The following ARL6 variants were observed in gnomAD, a reference collection of about 807,000 sequenced individuals.
ARL6 encodes ADP-ribosylation factor-like protein 6.
A neutral mutation model predicts 27.1 loss-of-function variants in ARL6; 18 were observed. The ratio of observed to expected loss-of-function variants is 0.66; its 90% CI spans 0.46 to 0.98. The LOEUF is 0.98. Ranked by LOEUF, ARL6 falls within the 50% of genes least tolerant of loss-of-function variation. The probability of loss-of-function intolerance (pLI) is 0.00; values close to 1 mark genes in which losing one functional copy is unlikely to be tolerated. For missense variants in ARL6, 187 were observed against 214.9 expected (o/e 0.87, Z 0.81); for synonymous variants, 65 against 72.3 (o/e 0.90, Z 0.51).
At chr3:97,796,390 G>A (rs2038004549) in intron 7 of ARL6, among the ~76,000 whole-genome samples, 1 of 151,994 alleles carries the variant, frequency 6.6e-6, no homozygotes, top group South Asian at 2.1e-4. Context: ...GAAAAATTTA[G>A]TTTTAAAAAG....
chr3:97,776,639 T>G (rs1280375031), intron 2 of ARL6, among the ~76,000 whole-genome samples: 4 of 151,990 alleles, frequency 2.6e-5, no homozygotes, highest in African/African-American at 9.6e-5. Context: ...GATGTTACCC[T>G]TATTCTTTTT....
intron 2 of ARL6, among the ~76,000 whole-genome samples, chr3:97,771,944 G>C (rs369975481): frequency 4.9e-4 from 75 of 152,112 alleles, no homozygotes; most frequent in African/African-American, 1.7e-3. Context: ...CTAGCATTTT[G>C]TTGAAGATTT....
chr3:97,782,701 G>T (rs2037256031), intron 4 of ARL6, among the ~76,000 whole-genome samples: 1 of 151,004 alleles, frequency 6.6e-6, no homozygotes, highest in South Asian at 2.1e-4. Flanking sequence ...CTATGACCAG[G>T]GCTTATGGGC....
chr3:97,768,459 TC>T (rs1404326998), intron 2 of ARL6, among the ~76,000 whole-genome samples: 2 of 152,106 alleles, frequency 1.3e-5, no homozygotes, highest in Non-Finnish European at 2.9e-5. Flanking sequence ...CAAAAGTTCT[TC>T]ACAGATTTAC....
chr3:97,770,646 C>T (rs2036592688), intron 2 of ARL6, among the ~76,000 whole-genome samples: 1 of 151,862 alleles, frequency 6.6e-6, no homozygotes, highest in Non-Finnish European at 1.5e-5. Flanking sequence ...TCTCCTAGTA[C>T]TTTGATAGTT....
intron 5 of ARL6, among the ~76,000 whole-genome samples, chr3:97,785,443 T>G (rs1410812856): frequency 2.6e-5 from 3 of 115,520 alleles, no homozygotes; most frequent in Admixed American, 9.6e-5. Flanking sequence ...TATGTGTATC[T>G]GAGTTTGTGT....
chr3:97,768,559 TC>T, intron 2 of ARL6, among the ~76,000 whole-genome samples: 1 of 152,232 alleles, frequency 6.6e-6, no homozygotes, highest in South Asian at 2.1e-4. Flanking sequence ...TTTTATAGGT[TC>T]TATGGATAAT....
rs556854109 is a variant in ARL6 at position 97,783,379 on chromosome 3, A to T, written c.255-1576A>T. Among the ~76,000 whole-genome samples the T allele has an allele frequency of 3.3e-5, 5 of 151,950 alleles. No individual in the cohort carries two copies. The South Asian group carries it at 1.0e-3, about 31-fold the overall frequency. ...ATCAGGAAAAACATGCAATGAATAT[A>T]ACTAACAGCTGCCTAATATTTTTTC... On this transcript the variant is annotated intron_variant, in intron 4 of 7. Transcript: ENST00000463745.
chr3:97,791,706 A>G, intron 6 of ARL6, 65 bp from the exon 7 acceptor site: 1 of 1,474,562 alleles, frequency 6.8e-7, no homozygotes, highest in Non-Finnish European at 9.5e-7. Flanking sequence ...CAAAATTGTA[A>G]TCCTTTATTC....
intron 2 of ARL6, among the ~76,000 whole-genome samples, chr3:97,770,767 C>T (rs1347800619): frequency 1.3e-5 from 2 of 151,930 alleles, no homozygotes; most frequent in African/African-American, 4.8e-5. Context: ...GTTCCAGCAT[C>T]ATAAGACTAT....
intron 7 of ARL6, among the ~76,000 whole-genome samples, chr3:97,796,508 T>C (rs906987619): frequency 3.3e-5 from 5 of 151,876 alleles, no homozygotes; most frequent in African/African-American, 1.2e-4. Context: ...ATCCAAATAA[T>C]AGGAAATTCA....
rs953394619 is a variant in ARL6, at chr3:97,780,338, T to C, written c.185+118T>C. 3.5e-6 allele frequency: 3 copies of C among 850,588 alleles called. No homozygotes were observed. The African/African-American group carries it at 5.1e-5, about 14-fold the overall frequency. 52.7% of individuals were successfully genotyped at this position (850,588 alleles called of 1,614,324 possible). The stretch of plus-strand genomic sequence containing the variant: ...ATTTGTTGTTTCAGAATCTCATAGG[T>C]ATTAAAGTGTTTCTAACCACTATGG... On this transcript the variant is annotated intron_variant, in intron 3 of 7. Transcript: ENST00000463745.
intron 4 of ARL6, among the ~76,000 whole-genome samples, chr3:97,783,152 A>G (rs1007978071): frequency 2.0e-5 from 3 of 151,606 alleles, no homozygotes; most frequent in Admixed American, 6.6e-5. Context: ...TTTGGAAAAT[A>G]TAGAAGAGAA....
Position 97,799,175 on chromosome 3 carries a change from A to G in ARL6, c.*1126A>G, listed in dbSNP as rs1249923112. The G allele has an allele frequency of 6.6e-6, 1 of 152,078 alleles. No individual in the cohort carries two copies. The highest frequency in any genetic ancestry group is 1.5e-5 in the Non-Finnish European group (1 of 67,918). 9.4% of individuals were successfully genotyped at this position (152,078 alleles called of 1,614,324 possible). On this transcript the variant is annotated 3_prime_UTR_variant, in exon 8 of 8. Transcript: ENST00000463745. ...AAAGAAAAACTGTAATATACAATATATACCATCTCAAGTATGCTTAGCTTT... is the reference window on the plus strand; with the variant it reads ...AAAGAAAAACTGTAATATACAATATGTACCATCTCAAGTATGCTTAGCTTT...
intron 7 of ARL6, among the ~76,000 whole-genome samples, chr3:97,794,177 T>TG (rs2037880464): frequency 8.0e-5 from 11 of 137,480 alleles, no homozygotes; most frequent in Non-Finnish European, 1.2e-4. Flanking sequence ...TTTCTTTCTT[T>TG]TGTGTGTGTG....
intron 6 of ARL6, among the ~76,000 whole-genome samples, chr3:97,789,484 TTAAC>T (rs2037619104): frequency 6.6e-6 from 1 of 152,180 alleles, no homozygotes; most frequent in Non-Finnish European, 1.5e-5. Context: ...CTTAAAATAA[TTAAC>T]CATTACATTT....
chr3:97,793,127 TATG>T (rs534917125), intron 7 of ARL6, among the ~76,000 whole-genome samples: 2 of 152,346 alleles, frequency 1.3e-5, no homozygotes, highest in African/African-American at 4.8e-5. Flanking sequence ...ATTGGTATAA[TATG>T]GTGGTTTAGT....
intron 6 of ARL6, among the ~76,000 whole-genome samples, chr3:97,789,934 A>C (rs1006588436): frequency 6.6e-6 from 1 of 152,034 alleles, no homozygotes; most frequent in African/African-American, 2.4e-5. Context: ...ATTAAAGAAA[A>C]ATTTTATGTT....
chr3:97,774,038 T>C (rs1486248188), intron 2 of ARL6, among the ~76,000 whole-genome samples: 1 of 152,216 alleles, frequency 6.6e-6, no homozygotes, highest in Non-Finnish European at 1.5e-5. Context: ...AGAGATGCCC[T>C]AATGGATCTC....
Sources: allele counts gnomAD v4.1 joint callset (sites outside exome capture counted in the v4.1 genomes callset), GRCh38; gene constraint gnomAD v4.1.1; transcripts MANE v1.5; gene names NCBI Gene and HGNC (gene_info 2026-07-23, HGNC 2026-07-21).